Variants in DNAJC21 observed in about 807,000 individuals in gnomAD.
DNAJC21 encodes the protein dnaJ homolog subfamily C member 21.
Under a neutral mutation model 72.4 loss-of-function variants are expected in DNAJC21, and 63 were observed. The ratio of observed to expected loss-of-function variants is 0.87; its 90% confidence interval spans 0.71 to 1.07. The LOEUF is 1.07. DNAJC21 is among the 50% of genes least tolerant of loss of function. The pLI, the probability that DNAJC21 is intolerant of heterozygous loss-of-function variation, is 0.00. For missense variants in DNAJC21, 634 were observed against 644.8 expected, an observed-to-expected ratio of 0.98 and a Z score of 0.18; for synonymous variants, 203 against 216.7, an observed-to-expected ratio of 0.94 and a Z score of 0.56.
Position 34,950,299 on chromosome 5 carries a change from G to A in DNAJC21, c.1315G>A (p.Glu439Lys), listed in dbSNP as rs115834468. The change falls in exon 10 of 12, where the codon GAG becomes AAG. Residue 439 changes from glutamate (E) to lysine (K), a missense_variant. Transcript: ENST00000648817. ...DSPQENVSVT[E>K]IIKPCDDPKS... ...TCCCCAGGAAAATGTCAGTGTCACA[G>A]AGATCATTAAACCATGTGATGATCC... is the stretch of plus-strand genomic sequence containing the variant. The A allele has an allele frequency of 3.8e-4, 612 of 1,613,602 alleles. 2 individuals carry two copies. In the Middle Eastern group the frequency reaches 3.8e-3, roughly 10 times the overall value.
intron 8 of DNAJC21, among the ~76,000 whole-genome samples, chr5:34,945,470 A>T (rs1765144298): frequency 6.6e-6 from 1 of 152,196 alleles, no homozygotes; most frequent in Admixed American, 6.5e-5. Context: ...GTTGAAGTGG[A>T]TACAGACGTC....
chr5:34,951,231 G>A, intron 10 of DNAJC21: 1 of 985,448 alleles, frequency 1.0e-6, no homozygotes, highest in Non-Finnish European at 1.2e-6. Context: ...AAGAACTTTG[G>A]AGAGTTGAAG....
chr5:34,935,271 T>C (rs767327647), intron 2 of DNAJC21, among the ~76,000 whole-genome samples: 2 of 152,068 alleles, frequency 1.3e-5, no homozygotes, highest in Non-Finnish European at 2.9e-5. Flanking sequence ...TGAGAAGCAA[T>C]TGTGTGTGTG....
At position 34,954,663 on chromosome 5, in the gene DNAJC21, A is replaced by G; in HGVS notation, c.1545A>G (p.Leu515=). The G allele has an allele frequency of 6.2e-7, 1 of 1,613,292 alleles. No individual in the cohort carries two copies. Among genetic ancestry groups the G allele is most frequent in the South Asian group, 1.1e-5 (1 of 90,916 alleles). Residue 515 remains leucine, a synonymous_variant, in exon 12 of 12, where the codon TTA becomes TTG. Coordinates refer to ENST00000648817, the MANE Select transcript of DNAJC21 (RefSeq NM_001012339.3). ...CAAGAGCACCTTCATCATCGTCTTT[A>G]AACAGCGCAACAAGTAGTCAAAGCA... ...GHARAPSSSS[L]NSATSSQSKK... is the part of the protein sequence containing the mutation.
At chr5:34,938,826 T>C in intron 5 of DNAJC21, 32 bp from the exon 6 acceptor site, 1 of 1,550,196 alleles carries the variant, frequency 6.5e-7, no homozygotes, top group Non-Finnish European at 8.7e-7. Flanking sequence ...GAGGCGTGCT[T>C]GTCGCTGTGA....
chr5:34,947,857 A>G (rs1424814625), intron 9 of DNAJC21, among the ~76,000 whole-genome samples: 6 of 152,090 alleles, frequency 3.9e-5, no homozygotes, highest in Non-Finnish European at 7.4e-5. Flanking sequence ...AGGAAGTATA[A>G]TGCCTCCTCT....
Position 34,934,597 on chromosome 5 carries a change from C to G in DNAJC21, c.191+689C>G, listed in dbSNP as rs1489474622. Among the ~76,000 whole-genome samples the G allele has an allele frequency of 2.6e-5, 4 of 152,132 alleles. No homozygotes were observed. In the East Asian group the frequency reaches 7.7e-4, roughly 29 times the overall value. On this transcript the variant is annotated intron_variant, in intron 2 of 11. Coordinates refer to ENST00000648817, the MANE Select transcript of DNAJC21 (RefSeq NM_001012339.3). ...CTTTATATGAAGAAATTGAATTAAGCTTCTGCATCTGTGACAGATATTACT... is the reference window on the plus strand; with the variant it reads ...CTTTATATGAAGAAATTGAATTAAGGTTCTGCATCTGTGACAGATATTACT...
chr5:34,931,612 A>G (rs1764596687), intron 1 of DNAJC21, among the ~76,000 whole-genome samples: 1 of 149,826 alleles, frequency 6.7e-6, no homozygotes, highest in Non-Finnish European at 1.5e-5. Flanking sequence ...CTTGAATATT[A>G]GCCCAAGGAC....
rs143125277 is a variant in DNAJC21, at chr5:34,940,560, A to G, written c.896-536A>G. Among the ~76,000 whole-genome samples the G allele has an allele frequency of 2.1e-3, 326 of 152,338 alleles. 4 individuals carry two copies. The highest frequency in any genetic ancestry group is 7.4e-3 in the African/African-American group (309 of 41,576). On this transcript the variant is annotated intron_variant, in intron 6 of 11. Transcript: ENST00000648817. The stretch of plus-strand genomic sequence containing the variant: ...TTTAGTCAGTTGGTTTTTGTGGACT[A>G]TACTGATAGTAATTATTCAGTTGTA...
intron 4 of DNAJC21, among the ~76,000 whole-genome samples, chr5:34,936,719 C>G (rs1764792164): frequency 6.6e-6 from 1 of 152,038 alleles, no homozygotes. Flanking sequence ...GCAACCTTCC[C>G]CCTTTACTTT....
intron 7 of DNAJC21, among the ~76,000 whole-genome samples, chr5:34,942,040 G>C (rs528518617): frequency 6.6e-6 from 1 of 152,144 alleles, no homozygotes; most frequent in African/African-American, 2.4e-5. Flanking sequence ...ACTCATCCCA[G>C]TATTCCTATA....
chr5:34,933,935 C>T (rs13186308), intron 2 of DNAJC21, 27 bp downstream of exon 2: 1 of 1,595,142 alleles, frequency 6.3e-7, no homozygotes, highest in Non-Finnish European at 8.6e-7. Flanking sequence ...CCTTCCCATC[C>T]TAGTTTATGA....
Position 34,941,112 on chromosome 5 carries a change from G to C in DNAJC21, c.912G>C (p.Glu304Asp). ...CTGTCATAGGTAAAGACAGTGATGAGGCCGAGGACGCTGAGCTCTATGATG... is the reference window on the plus strand; with the variant it reads ...CTGTCATAGGTAAAGACAGTGATGACGCCGAGGACGCTGAGCTCTATGATG... ...KDEEDGKDSDEAEDAELYDDL... is the reference protein window; with the variant it reads ...KDEEDGKDSDDAEDAELYDDL... The change falls in exon 7 of 12, where the codon GAG (glutamate) becomes GAC (aspartate). Residue 304 changes from glutamate (E) to aspartate (D), a missense_variant. Transcript: ENST00000648817. 6.2e-7 allele frequency: 1 copy of C among 1,614,084 alleles called. No individual in the cohort carries two copies. Among genetic ancestry groups the C allele is most frequent in the South Asian group, 1.1e-5 (1 of 91,078 alleles).
intron 7 of DNAJC21, among the ~76,000 whole-genome samples, chr5:34,944,338 C>T (rs1000840230): frequency 2.0e-5 from 3 of 152,174 alleles, no homozygotes; most frequent in Admixed American, 6.5e-5. Flanking sequence ...CAAGCCTTCC[C>T]ACCACCATTT....
In DNAJC21 at chr5:34,957,405, C is replaced by T. The variant is rs374146979; in HGVS notation, c.*2691C>T. 6.6e-6 allele frequency: 1 copy of T among 152,156 alleles called. No homozygotes were observed. The allele number at this position is 152,156 out of a possible 1,614,324, so 9.4% of individuals were successfully genotyped here. On this transcript the variant is annotated 3_prime_UTR_variant, in exon 12 of 12. Coordinates refer to ENST00000648817, the MANE Select transcript of DNAJC21 (RefSeq NM_001012339.3). ...ACAATGGCTATTTAGACTTTCCCTG[C>T]TTCAAAATAAGAGCAGTATCCTTAG... is the stretch of plus-strand genomic sequence containing the variant.
chr5:34,957,185 G>A lies in DNAJC21; in HGVS notation c.*2471G>A, dbSNP rs531325919. On this transcript the variant is annotated 3_prime_UTR_variant, in exon 12 of 12. Coordinates refer to ENST00000648817, the MANE Select transcript of DNAJC21 (RefSeq NM_001012339.3). Reference sequence around the variant, plus strand: ...AGACATTTAATTTCACTTGTCTGAGGTAAAACAATAAACTAAAATACATGG... The same window carrying A: ...AGACATTTAATTTCACTTGTCTGAGATAAAACAATAAACTAAAATACATGG... 3.7e-4 allele frequency: 57 copies of A among 152,258 alleles called. No homozygotes were observed. Among genetic ancestry groups the A allele is most frequent in the African/African-American group, 1.3e-3 (55 of 41,550 alleles). 9.4% of individuals were successfully genotyped at this position (152,258 alleles called of 1,614,324 possible). A position where few individuals can be genotyped will look rare whatever the true frequency, so the allele number is the denominator to read the frequency against.
intron 5 of DNAJC21, 117 bp downstream of exon 5, chr5:34,937,747 TC>T: frequency 8.0e-7 from 1 of 1,254,900 alleles, no homozygotes; most frequent in Non-Finnish European, 1.1e-6. Flanking sequence ...TCCTGCTTTT[TC>T]TTCTTTTTTA....
chr5:34,956,873 AG>A lies in DNAJC21; in HGVS notation c.*2160del, dbSNP rs1350608525. ...CAGAACTTTTTCTTATCTCTAACAC[AG>A]TTATTACCATAATAATATTGTCTCC... is the stretch of plus-strand genomic sequence containing the variant. On this transcript the variant is annotated 3_prime_UTR_variant, in exon 12 of 12. Coordinates refer to ENST00000648817, the MANE Select transcript of DNAJC21 (RefSeq NM_001012339.3). The A allele has an allele frequency of 6.6e-6, 1 of 152,214 alleles. No individual in the cohort carries two copies. The highest frequency in any genetic ancestry group is 1.5e-5 in the Non-Finnish European group (1 of 68,038). 9.4% of individuals were successfully genotyped at this position (152,214 alleles called of 1,614,324 possible). A position where few individuals can be genotyped will look rare whatever the true frequency, so the allele number is the denominator to read the frequency against.
intron 4 of DNAJC21, 26 bp downstream of exon 4, chr5:34,936,292 A>G: frequency 3.1e-6 from 5 of 1,599,720 alleles, no homozygotes; most frequent in Non-Finnish European, 4.3e-6. Context: ...ATTGTTCTAT[A>G]ATTAGTATTT....
Sources: allele counts gnomAD v4.1 joint callset (sites outside exome capture counted in the v4.1 genomes callset), GRCh38; gene constraint gnomAD v4.1.1; transcripts MANE v1.5; gene names NCBI Gene and HGNC (gene_info 2026-07-23, HGNC 2026-07-21).